HNRNPU: variants seen among roughly 807,000 people sequenced by gnomAD.
HNRNPU encodes the protein heterogeneous nuclear ribonucleoprotein U.
A neutral mutation model predicts 94.7 loss-of-function variants in HNRNPU; 5 were observed. The observed-to-expected ratio is 0.05, with a 90% CI of 0.03 to 0.11. The LOEUF (loss-of-function observed/expected upper bound fraction) is 0.11, where lower values mean the gene tolerates loss of function less well. HNRNPU is among the 10% of genes least tolerant of loss of function. The pLI is 1.00. For missense variants in HNRNPU, 710 were observed against 1,049.2 expected (o/e 0.68, Z 4.47); for synonymous variants, 434 against 381.6 (o/e 1.14, Z -1.60).
chr1:244,856,933 CTA>C, intron 8 of HNRNPU, 77 bp from the exon 9 acceptor site: 1 of 1,197,970 alleles, frequency 8.3e-7, no homozygotes, highest in Non-Finnish European at 1.2e-6. Flanking sequence ...CAACTCATAT[CTA>C]TATGTAAAGC....
chr1:244,857,722 T>C lies in HNRNPU; in HGVS notation c.1495-5A>G, dbSNP rs2102986405. On this transcript the variant is annotated splice_polypyrimidine_tract_variant and splice_region_variant and intron_variant, in intron 7 of 13. Coordinates refer to ENST00000640218, the MANE Select transcript of HNRNPU (RefSeq NM_031844.3). The stretch of plus-strand genomic sequence containing the variant: ...CAAGCCAATCATCATCACAACCTAG[T>C]GAAAAGAAAAGAAATGTCATTTCAC... The C allele has an allele frequency of 6.2e-7, 1 of 1,611,194 alleles. No individual in the cohort carries two copies. Among genetic ancestry groups the C allele is most frequent in the Non-Finnish European group, 8.5e-7 (1 of 1,179,170 alleles).
chr1:244,855,426 GGTT>G lies in HNRNPU; in HGVS notation c.2347_2349del (p.Asn783del). 1 of 1,612,582 alleles carries G rather than the reference GGTT, an allele frequency of 6.2e-7. No homozygotes were observed. Among genetic ancestry groups the G allele is most frequent in the Non-Finnish European group, 8.5e-7 (1 of 1,179,358 alleles). ...TTCCAGGGATCTTGAATCATTACCTGGTTGTAGTTCCCTCTGTTGGGCATTCCA... is the reference window on the plus strand; with the variant it reads ...TTCCAGGGATCTTGAATCATTACCTGGTAGTTCCCTCTGTTGGGCATTCCA... On this transcript the variant is annotated inframe_deletion, in exon 12 of 14. Transcript: ENST00000640218.
chr1:244,864,430 G>A lies in HNRNPU; in HGVS notation c.-123C>T. 1 of 1,514,036 alleles carries A rather than the reference G, an allele frequency of 6.6e-7. No homozygotes were observed. The highest frequency in any genetic ancestry group is 2.4e-5 in the East Asian group (1 of 42,230). 93.8% of individuals were successfully genotyped at this position (1,514,036 alleles called of 1,614,324 possible). On this transcript the variant is annotated 5_prime_UTR_variant, in exon 1 of 14. Transcript: ENST00000640218. Reference sequence around the variant, plus strand: ...GGCGGCTGCGGCTGCGGCTGGAGATGGGTTCGTGCTGCAGAGCGGATCCGC... The same window carrying A: ...GGCGGCTGCGGCTGCGGCTGGAGATAGGTTCGTGCTGCAGAGCGGATCCGC...
chr1:244,856,717 C>G lies in HNRNPU; in HGVS notation c.1743+11G>C. On this transcript the variant is annotated intron_variant, in intron 9 of 13. Transcript: ENST00000640218. ...CAGTTAATATTTTTCAATTTCAAAGCTACAGCGTACCTGATCCAGAATAAA... is the reference window on the plus strand; with the variant it reads ...CAGTTAATATTTTTCAATTTCAAAGGTACAGCGTACCTGATCCAGAATAAA... 1 of 1,608,776 alleles carries G rather than the reference C, an allele frequency of 6.2e-7. No homozygotes were observed. Among genetic ancestry groups the G allele is most frequent in the Non-Finnish European group, 8.5e-7 (1 of 1,178,382 alleles).
At chr1:244,857,366 C>A (rs913936670) in intron 8 of HNRNPU, 53 of 398,466 alleles carry the variant, frequency 1.3e-4, no homozygotes, top group Non-Finnish European at 2.1e-4. Flanking sequence ...CCTGCCTCAA[C>A]CTCCCGAGCA....
chr1:244,854,795 T>C (rs1177979788), intron 13 of HNRNPU, 178 bp downstream of exon 13: 1 of 530,434 alleles, frequency 1.9e-6, no homozygotes, highest in Non-Finnish European at 3.3e-6. Flanking sequence ...TATAGCAATC[T>C]TCAACCTATT....
intron 1 of HNRNPU, 88 bp downstream of exon 1, chr1:244,863,529 T>A: frequency 2.6e-5 from 24 of 929,184 alleles, no homozygotes; most frequent in East Asian, 1.9e-4. Context: ...CGGGGCTCCC[T>A]CCCCCTGCGG....
intron 1 of HNRNPU, chr1:244,863,021 G>T (rs530977957): frequency 1.6e-5 from 6 of 364,682 alleles, no homozygotes; most frequent in Admixed American, 9.2e-5. Flanking sequence ...GCGCAGAGAG[G>T]GGGAGGGGCC....
chr1:244,860,199 C>T (rs1680789439), intron 4 of HNRNPU, 136 bp downstream of exon 4: 1 of 649,000 alleles, frequency 1.5e-6, no homozygotes, highest in Admixed American at 3.2e-5. Context: ...ACTTGAGAGA[C>T]TGAAGCAAGG....
rs139561508 is a variant in HNRNPU at position 244,863,801 on chromosome 1, C to T, written c.507G>A (p.Gln169=). ...CGCGCTGCTGTTGGGGCTGTTGCTG[C>T]TGCGTCGCCGGCGGTTGAGGCTGCT... is the stretch of plus-strand genomic sequence containing the variant. ...GEQQPQPPAT[Q]QQQPQQQRGA... The change falls in exon 1 of 14, where the codon CAG becomes CAA. Residue 169 remains glutamine (Q), a synonymous_variant. Transcript: ENST00000640218. 166 of 1,609,296 alleles carry T rather than the reference C, an allele frequency of 1.0e-4. No individual in the cohort carries two copies. In the African/African-American group the frequency reaches 1.5e-3, roughly 15 times the overall value.
chr1:244,857,792 C>T (rs114369147), intron 7 of HNRNPU, 75 bp from the exon 8 acceptor site: 31,242 of 1,518,452 alleles, frequency 0.021, 389 homozygotes, highest in Middle Eastern at 0.031. Context: ...TTGTTAAGGC[C>T]AATTTAAATA....
At chr1:244,856,288 A>G in intron 10 of HNRNPU, 130 bp from the exon 11 acceptor site, 1 of 1,136,736 alleles carries the variant, frequency 8.8e-7, no homozygotes, top group Non-Finnish European at 1.2e-6. Context: ...ATATATGCAT[A>G]TGTAACAACT....
rs79923190 is a variant in HNRNPU, at chr1:244,862,204, T to C, written c.877+257A>G. On this transcript the variant is annotated intron_variant, in intron 3 of 13. Transcript: ENST00000640218. ...TTAGCTAGTCAAAAACTGGCATTAA[T>C]TTTACATTTCCTAAGAATGAGAACT... 934 of 377,664 alleles carry C rather than the reference T, an allele frequency of 2.5e-3. 16 individuals are homozygous for C. In the East Asian group the frequency reaches 0.034, roughly 14 times the overall value. The allele number at this position is 377,664 out of a possible 1,614,324, so 23.4% of individuals were successfully genotyped here.
intron 13 of HNRNPU, 53 bp from the exon 14 acceptor site, chr1:244,854,556 C>G (rs1680626742): frequency 2.6e-6 from 3 of 1,165,720 alleles, no homozygotes; most frequent in Admixed American, 1.7e-5. Context: ...GCCACTCAAA[C>G]TGTTTTTAGG....
At chr1:244,860,704 T>C (rs937818356) in intron 3 of HNRNPU, 9 of 563,856 alleles carry the variant, frequency 1.6e-5, no homozygotes, top group Non-Finnish European at 2.2e-5. Context: ...TACCAAGGTT[T>C]AACATGTATA....
At chr1:244,861,796 G>C (rs1351476754) in intron 3 of HNRNPU, 3 of 149,134 alleles carry the variant, frequency 2.0e-5, no homozygotes, top group African/African-American at 7.4e-5. Context: ...TTAGAGGTTT[G>C]CAATACTTTC....
intron 1 of HNRNPU, 147 bp downstream of exon 1, chr1:244,863,470 G>T: frequency 9.6e-7 from 1 of 1,044,728 alleles, no homozygotes; most frequent in Non-Finnish European, 1.2e-6. Flanking sequence ...CGGCTAATCT[G>T]GGATTCCCCG....
rs1325726632 is a variant in HNRNPU at position 244,863,888 on chromosome 1, T to G, written c.420A>C (p.Glu140Asp). ...DENGDDQGFQEGEDELGDEEE... is the reference protein window; with the variant it reads ...DENGDDQGFQDGEDELGDEEE... ...CTTCGTCCCCGAGCTCATCTTCCCC[T>G]TCCTGGAAACCCTGATCGTCGCCGT... is the stretch of plus-strand genomic sequence containing the variant. Residue 140 changes from glutamate (E) to aspartate (D), a missense_variant, in exon 1 of 14, where the codon GAA (glutamate) becomes GAC (aspartate). Coordinates refer to ENST00000640218, the MANE Select transcript of HNRNPU (RefSeq NM_031844.3). The G allele has an allele frequency of 6.2e-7, 1 of 1,613,714 alleles. No homozygotes were observed. The highest frequency in any genetic ancestry group is 1.7e-5 in the Admixed American group (1 of 60,006).
intron 5 of HNRNPU, chr1:244,859,049 A>G (rs1407818314): frequency 1.4e-5 from 8 of 581,340 alleles, no homozygotes; most frequent in South Asian, 4.6e-5. Flanking sequence ...GACGATTTGC[A>G]TATCACGGGT....
Sources: allele counts gnomAD v4.1 joint callset, GRCh38; gene constraint gnomAD v4.1.1; transcripts MANE v1.5; gene names NCBI Gene and HGNC (gene_info 2026-07-23, HGNC 2026-07-21).